The following ABHD12B variants were observed in gnomAD, a reference collection of about 807,000 sequenced individuals.
The protein encoded by ABHD12B is protein ABHD12B.
A neutral mutation model predicts 50.4 loss-of-function variants in ABHD12B; 42 were observed. That is an observed-to-expected ratio of 0.83 (90% CI 0.65 to 1.08). The LOEUF is 1.08. Among genes scored for constraint, ABHD12B ranks in the 50% least tolerant of loss-of-function variants. ABHD12B has a pLI of 0.00. For synonymous variants in ABHD12B, 167 were observed against 160.3 expected (o/e 1.04, Z -0.32); for missense variants, 479 against 447.7 (o/e 1.07, Z -0.63).
chr14:50,892,917 T>C (rs547847045), intron 9 of ABHD12B: 30 of 152,356 alleles, frequency 2.0e-4, no homozygotes, highest in African/African-American at 7.2e-4. Context: ...GTATGATTCA[T>C]AACTTCTATG....
At chr14:50,878,681 TTTGA>T in intron 2 of ABHD12B, 60 bp from the exon 3 acceptor site, 7 of 1,371,914 alleles carry the variant, frequency 5.1e-6, no homozygotes, top group Non-Finnish European at 7.2e-6. Flanking sequence ...AATTCCTTTC[TTTGA>T]TTGTGATTAA....
chr14:50,880,491 G>T lies in ABHD12B; in HGVS notation c.375G>T (p.Gly125=), dbSNP rs770669064. The T allele has an allele frequency of 1.2e-6, 2 of 1,611,528 alleles. No individual in the cohort carries two copies. The highest frequency in any genetic ancestry group is 2.7e-5 in the African/African-American group (2 of 74,766). The part of the protein sequence containing the change: ...VPSCRGEDAK[G]KDCCWYEAAL... ...GCTGCCGGGGGGAAGATGCCAAGGG[G>T]AAGGACTGTTGCTGGTATGAAGCAG... Residue 125 remains glycine, a synonymous_variant, in exon 4 of 13, where the codon GGG becomes GGT. Coordinates refer to ENST00000337334, the MANE Select transcript of ABHD12B (RefSeq NM_001206673.2).
At chr14:50,880,142 A>G (rs2049918958) in intron 3 of ABHD12B, among the ~76,000 whole-genome samples, 1 of 152,204 alleles carries the variant, frequency 6.6e-6, no homozygotes, top group African/African-American at 2.4e-5. Flanking sequence ...CCCTTTTTAA[A>G]AAAAACAATT....
intron 1 of ABHD12B, among the ~76,000 whole-genome samples, chr14:50,874,911 A>T (rs139926572): frequency 1.3e-5 from 2 of 152,384 alleles, no homozygotes; most frequent in African/African-American, 4.8e-5. Context: ...AAGAAAATGA[A>T]GTCCTTCCTC....
chr14:50,896,046 G>C lies in ABHD12B; in HGVS notation c.781-5783G>C, dbSNP rs1052842648. Among the ~76,000 whole-genome samples, 148 of 149,720 alleles carry C rather than the reference G, an allele frequency of 9.9e-4. 2 individuals carry two copies. The highest frequency in any genetic ancestry group is 3.0e-3 in the African/African-American group (121 of 40,796). On this transcript the variant is annotated intron_variant, in intron 9 of 12. Transcript: ENST00000337334. ...AAAGCCTCCTTTGCGTCCTCCTCTT[G>C]TATCCCCCGACCTTAACCCACAAGT...
intron 4 of ABHD12B, among the ~76,000 whole-genome samples, chr14:50,881,112 G>T (rs1351616394): frequency 2.0e-5 from 3 of 152,240 alleles, no homozygotes; most frequent in East Asian, 1.9e-4. Context: ...TCCCAACCTC[G>T]CTCTGTAACA....
chr14:50,877,852 A>T, intron 1 of ABHD12B, 100 bp from the exon 2 acceptor site: 1 of 1,248,746 alleles, frequency 8.0e-7, no homozygotes, highest in Non-Finnish European at 1.0e-6. Context: ...GGGCAACAAG[A>T]GCAGAACTCT....
At chr14:50,900,072 G>A (rs1375848679) in intron 9 of ABHD12B, among the ~76,000 whole-genome samples, 1 of 151,700 alleles carries the variant, frequency 6.6e-6, no homozygotes, top group Non-Finnish European at 1.5e-5. Context: ...AACCCCTTCT[G>A]TACAAAAAAA....
intron 9 of ABHD12B, chr14:50,891,520 G>C (rs1054799439): frequency 1.3e-5 from 2 of 152,210 alleles, no homozygotes; most frequent in Non-Finnish European, 2.9e-5. Context: ...CGGGATTACA[G>C]GCGTGAGCCA....
chr14:50,883,052 G>A (rs1056152212), intron 5 of ABHD12B, among the ~76,000 whole-genome samples: 7 of 151,418 alleles, frequency 4.6e-5, no homozygotes, highest in Admixed American at 6.6e-5. Flanking sequence ...GGCCACACTT[G>A]CTCTCCTCAC....
rs778072071 is a variant in ABHD12B, at chr14:50,880,479, A to C, written c.363A>C (p.Glu121Asp). The change falls in exon 4 of 13, where the codon GAA becomes GAC. Residue 121 changes from glutamate (E) to aspartate (D), a missense_variant. Glu to Asp is a conservative substitution (Grantham distance 45). Coordinates refer to ENST00000337334, the MANE Select transcript of ABHD12B (RefSeq NM_001206673.2). ...IWHTVPSCRG[E>D]DAKGKDCCWY... ...ACACAGTCCCCAGCTGCCGGGGGGAAGATGCCAAGGGGAAGGACTGTTGCT... is the reference window on the plus strand; with the variant it reads ...ACACAGTCCCCAGCTGCCGGGGGGACGATGCCAAGGGGAAGGACTGTTGCT... 7 of 1,610,148 alleles carry C rather than the reference A, an allele frequency of 4.3e-6. No homozygotes were observed. Among genetic ancestry groups the C allele is most frequent in the Admixed American group, 1.7e-5 (1 of 59,380 alleles).
In ABHD12B at chr14:50,880,473, G is replaced by A. The variant is rs531534584; in HGVS notation, c.357G>A (p.Arg119=). ...LGIWHTVPSC[R]GEDAKGKDCC... is the part of the protein sequence containing the mutation. ...TCAGGCACACAGTCCCCAGCTGCCG[G>A]GGGGAAGATGCCAAGGGGAAGGACT... is the stretch of plus-strand genomic sequence containing the variant. Residue 119 remains arginine (R), a synonymous_variant, in exon 4 of 13, where the codon CGG becomes CGA. Coordinates refer to ENST00000337334, the MANE Select transcript of ABHD12B (RefSeq NM_001206673.2). 1 of 1,609,762 alleles carries A rather than the reference G, an allele frequency of 6.2e-7. No homozygotes were observed. The highest frequency in any genetic ancestry group is 1.7e-5 in the Admixed American group (1 of 59,356).
At chr14:50,877,021 C>A (rs1201614646) in intron 1 of ABHD12B, among the ~76,000 whole-genome samples, 1 of 152,268 alleles carries the variant, frequency 6.6e-6, no homozygotes, top group African/African-American at 2.4e-5. Context: ...TCCTTAGTGA[C>A]CCCTCATGGA....
chr14:50,876,999 G>C (rs370561851), intron 1 of ABHD12B, among the ~76,000 whole-genome samples: 2 of 152,192 alleles, frequency 1.3e-5, no homozygotes, highest in East Asian at 1.9e-4. Context: ...GAGGTGGCTT[G>C]AGACAGAGGT....
chr14:50,902,055 G>T, intron 10 of ABHD12B, 144 bp downstream of exon 10: 1 of 540,480 alleles, frequency 1.9e-6, no homozygotes, highest in Non-Finnish European at 3.2e-6. Flanking sequence ...TTCTTAGATG[G>T]GCACTAAGAT....
chr14:50,877,114 G>A (rs8013049), intron 1 of ABHD12B, among the ~76,000 whole-genome samples: 9 of 152,096 alleles, frequency 5.9e-5, no homozygotes, highest in African/African-American at 1.2e-4. Flanking sequence ...ATGTGCATGC[G>A]CCCATCCCAC....
chr14:50,889,771 A>C (rs772445935), intron 9 of ABHD12B, among the ~76,000 whole-genome samples: 2 of 152,254 alleles, frequency 1.3e-5, no homozygotes, highest in African/African-American at 2.4e-5. Context: ...AGAGAGAGCG[A>C]AAGTCTTAGA....
intron 3 of ABHD12B, 139 bp from the exon 4 acceptor site, chr14:50,880,313 T>G: frequency 1.1e-6 from 1 of 937,194 alleles, no homozygotes; most frequent in South Asian, 4.3e-5. Flanking sequence ...GGTGTTAGAT[T>G]TTTATTTTTG....
chr14:50,898,809 C>T (rs1417849074), intron 9 of ABHD12B, among the ~76,000 whole-genome samples: 1 of 152,170 alleles, frequency 6.6e-6, no homozygotes. Flanking sequence ...GAAGGAAAGG[C>T]TGTGTCAGGA....
Sources: allele counts gnomAD v4.1 joint callset (sites outside exome capture counted in the v4.1 genomes callset), GRCh38; gene constraint gnomAD v4.1.1; transcripts MANE v1.5; gene names NCBI Gene and HGNC (gene_info 2026-07-23, HGNC 2026-07-21).